Variants in TAFA4 observed in about 807,000 individuals in gnomAD.
The protein encoded by TAFA4 is chemokine-like protein TAFA-4.
A neutral mutation model predicts 21.1 loss-of-function variants in TAFA4; 20 were observed. The observed-to-expected ratio is 0.95, with a 90% CI of 0.67 to 1.38. TAFA4 has a LOEUF of 1.38. Among genes scored for constraint, TAFA4 ranks in the 40% most tolerant of loss-of-function variants. The probability of loss-of-function intolerance (pLI) is 0.00; values close to 1 mark genes in which losing one functional copy is unlikely to be tolerated. For synonymous variants in TAFA4, 71 were observed against 67.4 expected, an observed-to-expected ratio of 1.05 and a Z score of -0.26; for missense variants, 211 against 180.9, an observed-to-expected ratio of 1.17 and a Z score of -0.95.
chr3:68,816,610 A>C (rs767765089), intron 3 of TAFA4, among the ~76,000 whole-genome samples: 5 of 152,168 alleles, frequency 3.3e-5, no homozygotes, highest in African/African-American at 4.8e-5. Flanking sequence ...TGGAATCCTC[A>C]GGGTTTTTCA....
chr3:68,793,725 C>A (rs1262957497), intron 3 of TAFA4, among the ~76,000 whole-genome samples: 2 of 152,154 alleles, frequency 1.3e-5, no homozygotes, highest in Admixed American at 1.3e-4. Flanking sequence ...GAGTTACGGA[C>A]TTTAAAAACT....
chr3:68,840,705 C>T (rs1454418795), intron 3 of TAFA4, among the ~76,000 whole-genome samples: 1 of 152,112 alleles, frequency 6.6e-6, no homozygotes, highest in Non-Finnish European at 1.5e-5. Context: ...AAGCCCTGGT[C>T]CCTCCCATAT....
intron 3 of TAFA4, among the ~76,000 whole-genome samples, chr3:68,771,710 C>G (rs772471423): frequency 6.6e-6 from 1 of 152,120 alleles, no homozygotes; most frequent in Non-Finnish European, 1.5e-5. Context: ...AATGTGCAAA[C>G]AGATTCAGAG....
chr3:68,744,700 A>G (rs1288530528), intron 4 of TAFA4, among the ~76,000 whole-genome samples: 1 of 152,122 alleles, frequency 6.6e-6, no homozygotes, highest in African/African-American at 2.4e-5. Context: ...ATCACAGAAC[A>G]CTATGCCACT....
intron 3 of TAFA4, among the ~76,000 whole-genome samples, chr3:68,789,056 A>G (rs1703315792): frequency 6.6e-6 from 1 of 151,764 alleles, no homozygotes; most frequent in Non-Finnish European, 1.5e-5. Flanking sequence ...ACATGGTGAG[A>G]CCCCGTCTCT....
intron 3 of TAFA4, among the ~76,000 whole-genome samples, chr3:68,847,240 A>C (rs1479322911): frequency 6.6e-6 from 1 of 152,228 alleles, no homozygotes; most frequent in African/African-American, 2.4e-5. Flanking sequence ...CTAGAGAGGA[A>C]GTCTGCTTAC....
At chr3:68,812,232 A>G (rs1228301845) in intron 3 of TAFA4, among the ~76,000 whole-genome samples, 2 of 152,250 alleles carry the variant, frequency 1.3e-5, no homozygotes, top group Non-Finnish European at 2.9e-5. Context: ...GCCAACTTGT[A>G]AAGACCATTG....
intron 3 of TAFA4, among the ~76,000 whole-genome samples, chr3:68,780,690 T>C (rs1350720047): frequency 2.0e-5 from 3 of 152,206 alleles, no homozygotes; most frequent in African/African-American, 7.2e-5. Flanking sequence ...CTTTTGTAAA[T>C]TGCCCATTCT....
chr3:68,884,826 T>C (rs2089654314), intron 2 of TAFA4, among the ~76,000 whole-genome samples: 1 of 152,238 alleles, frequency 6.6e-6, no homozygotes, highest in Admixed American at 6.5e-5. Context: ...TAGCAATAAG[T>C]TCCCTGTCTC....
chr3:68,832,747 G>A (rs1038646906), intron 3 of TAFA4, among the ~76,000 whole-genome samples: 2 of 152,340 alleles, frequency 1.3e-5, no homozygotes, highest in East Asian at 1.9e-4. Flanking sequence ...TTAAGTCTGC[G>A]GAAGCTGTCT....
chr3:68,876,091 G>T (rs1224964208), intron 3 of TAFA4, among the ~76,000 whole-genome samples: 1 of 152,082 alleles, frequency 6.6e-6, no homozygotes, highest in Middle Eastern at 3.2e-3. Flanking sequence ...TTAGTTCATG[G>T]GACTTATCAT....
At chr3:68,841,790 T>C (rs1704672568) in intron 3 of TAFA4, among the ~76,000 whole-genome samples, 1 of 151,950 alleles carries the variant, frequency 6.6e-6, no homozygotes, top group Non-Finnish European at 1.5e-5. Context: ...AGTGAGAACA[T>C]GCAGTGTTTG....
intron 3 of TAFA4, among the ~76,000 whole-genome samples, chr3:68,825,915 G>C (rs1388225123): frequency 3.3e-5 from 5 of 152,284 alleles, no homozygotes; most frequent in Admixed American, 1.3e-4. Flanking sequence ...TTCAGGCAGA[G>C]AGCAACACTG....
chr3:68,864,389 A>T (rs1350545433), intron 3 of TAFA4, among the ~76,000 whole-genome samples: 1 of 152,154 alleles, frequency 6.6e-6, no homozygotes, highest in East Asian at 1.9e-4. Flanking sequence ...TTAAATCTGC[A>T]ATATGATATC....
At chr3:68,930,558 C>A (rs1181888227) in intron 1 of TAFA4, among the ~76,000 whole-genome samples, 1 of 152,180 alleles carries the variant, frequency 6.6e-6, no homozygotes, top group Non-Finnish European at 1.5e-5. Context: ...AGGAAGGGAA[C>A]CTTGAAATAC....
intron 3 of TAFA4, among the ~76,000 whole-genome samples, chr3:68,865,639 A>C (rs1486586259): frequency 2.0e-5 from 3 of 152,094 alleles, no homozygotes; most frequent in African/African-American, 7.2e-5. Flanking sequence ...TGTCTTGGGT[A>C]TTGCTTCATA....
At position 68,762,942 on chromosome 3, in the gene TAFA4, G is replaced by T. The variant is rs149677788; in HGVS notation, c.131-9924C>A. On this transcript the variant is annotated intron_variant, in intron 3 of 5. Coordinates refer to ENST00000295569, the MANE Select transcript of TAFA4 (RefSeq NM_182522.5). ...AATCCCAGCTACTCAGGTGGCTAAG[G>T]CATGAGAGTCACTTCAACCCAGGAG... Among the ~76,000 whole-genome samples the T allele has an allele frequency of 7.5e-4, 115 of 152,360 alleles. No homozygotes were observed. The East Asian group carries it at 0.015, about 20-fold the overall frequency.
intron 3 of TAFA4, among the ~76,000 whole-genome samples, chr3:68,783,826 C>T (rs1210757452): frequency 1.3e-5 from 2 of 152,014 alleles, no homozygotes; most frequent in African/African-American, 4.8e-5. Context: ...GTGTGATTGT[C>T]ACTAAATAAA....
chr3:68,737,553 T>C (rs970466810), intron 5 of TAFA4, among the ~76,000 whole-genome samples: 4 of 152,208 alleles, frequency 2.6e-5, no homozygotes, highest in African/African-American at 9.6e-5. Flanking sequence ...AACCGACAAC[T>C]ATTCCATTGA....
Sources: allele counts gnomAD v4.1 joint callset (sites outside exome capture counted in the v4.1 genomes callset), GRCh38; gene constraint gnomAD v4.1.1; transcripts MANE v1.5; gene names NCBI Gene and HGNC (gene_info 2026-07-23, HGNC 2026-07-21).